Variants in EDA observed in about 807,000 individuals in gnomAD.
EDA encodes ectodysplasin A.
A neutral mutation model predicts 23.6 loss-of-function variants in EDA; 2 were observed. That is an observed-to-expected ratio of 0.08 (90% CI 0.03 to 0.27). The LOEUF is 0.27. EDA is among the 10% of genes least tolerant of loss of function. The probability of loss-of-function intolerance (pLI) is 1.00; values close to 1 mark genes in which losing one functional copy is unlikely to be tolerated. For synonymous variants in EDA, 131 were observed against 132.0 expected (o/e 0.99, Z 0.05); for missense variants, 229 against 324.2 (o/e 0.71, Z 2.26).
At chrX:69,833,053 C>T (rs2016661177) in intron 1 of EDA, among the ~76,000 whole-genome samples, 1 of 111,319 alleles carries the variant, frequency 9.0e-6, no homozygotes, top group African/African-American at 3.3e-5. Flanking sequence ...CCTGATTGCC[C>T]TGGCCAGAAC....
At chrX:69,954,859 C>G (rs761213366) in intron 1 of EDA, among the ~76,000 whole-genome samples, 20 of 111,857 alleles carry the variant, frequency 1.8e-4, no homozygotes, top group African/African-American at 6.2e-4. Flanking sequence ...TGTGTGTTGT[C>G]CCCACCATGT....
At chrX:69,894,697 G>C (rs1208703404) in intron 1 of EDA, among the ~76,000 whole-genome samples, 1 of 111,189 alleles carries the variant, frequency 9.0e-6, no homozygotes, top group Non-Finnish European at 1.9e-5. Flanking sequence ...TCTTGATTTT[G>C]TTCTCAGCTT....
At position 69,749,929 on chromosome X, in the gene EDA, T is replaced by C. The variant is rs1334675679; in HGVS notation, c.396+133225T>C. ...CTTCCTCTCACTAAGGTTCTTTTTT[T>C]TTTTTTTTTTTTTTTTTTTTGGTTG... On this transcript the variant is annotated intron_variant, in intron 1 of 7. Coordinates refer to ENST00000374552, the MANE Select transcript of EDA (RefSeq NM_001399.5). 7.2e-4 allele frequency among the ~76,000 whole-genome samples: 71 copies of C among 99,149 alleles called. No homozygotes were observed. In the Middle Eastern group the frequency reaches 0.022, roughly 30 times the overall value. 86.1% of individuals were successfully genotyped at this position (99,149 alleles called of 115,157 possible). A position where few individuals can be genotyped will look rare whatever the true frequency, so the allele number is the denominator to read the frequency against.
rs1241753909 is a variant in EDA at position 70,028,443 on chromosome X, T to C, written c.706+407T>C. Among the ~76,000 whole-genome samples, 20 of 112,410 alleles carry C rather than the reference T, an allele frequency of 1.8e-4. No individual in the cohort carries two copies. In the Admixed American group the frequency reaches 1.9e-3, roughly 11 times the overall value. On this transcript the variant is annotated intron_variant, in intron 4 of 7. Coordinates refer to ENST00000374552, the MANE Select transcript of EDA (RefSeq NM_001399.5). The stretch of plus-strand genomic sequence containing the variant: ...CTAGCTCCACATGCTGATGTTTGCA[T>C]AGAAATAGGCTATGGAGTAGAAAGT...
intron 1 of EDA, among the ~76,000 whole-genome samples, chrX:69,919,843 C>G (rs2018400788): frequency 1.9e-5 from 2 of 105,248 alleles, no homozygotes; most frequent in Admixed American, 1.1e-4. Context: ...TCTTTGTAGG[C>G]TTCATGATTT....
intron 1 of EDA, among the ~76,000 whole-genome samples, chrX:69,935,997 T>C (rs1293531364): frequency 1.9e-5 from 2 of 106,966 alleles, no homozygotes; most frequent in Non-Finnish European, 3.8e-5. Context: ...TATGTACTCA[T>C]ATATATATGA....
At chrX:69,675,823 A>C (rs1934062031) in intron 1 of EDA, among the ~76,000 whole-genome samples, 1 of 111,351 alleles carries the variant, frequency 9.0e-6, no homozygotes, top group Non-Finnish European at 1.9e-5. Flanking sequence ...TGGAGAGAGA[A>C]GGTCAAGACA....
chrX:69,883,850 AT>A (rs2017787490), intron 1 of EDA, among the ~76,000 whole-genome samples: 1 of 110,899 alleles, frequency 9.0e-6, no homozygotes, highest in Non-Finnish European at 1.9e-5. Flanking sequence ...TAATCCCAGC[AT>A]TTTGGGAGGC....
intron 1 of EDA, among the ~76,000 whole-genome samples, chrX:69,765,501 A>G (rs1022598577): frequency 8.9e-6 from 1 of 111,931 alleles, no homozygotes; most frequent in African/African-American, 3.2e-5. Context: ...CCTCTTACCC[A>G]TCATTCATAA....
chrX:69,827,894 C>A (rs751340644), intron 1 of EDA, among the ~76,000 whole-genome samples: 2 of 111,647 alleles, frequency 1.8e-5, no homozygotes, highest in South Asian at 7.5e-4. Flanking sequence ...GCTGTCCTTT[C>A]TGATTGTTAG....
At chrX:69,698,457 G>A (rs974490178) in intron 1 of EDA, among the ~76,000 whole-genome samples, 32 of 111,543 alleles carry the variant, frequency 2.9e-4, no homozygotes, top group African/African-American at 8.1e-4. Flanking sequence ...AGGAGGTGTC[G>A]ACAGGCAGAG....
chrX:69,948,751 G>A (rs1395604481), intron 1 of EDA, among the ~76,000 whole-genome samples: 1 of 112,375 alleles, frequency 8.9e-6, no homozygotes, highest in African/African-American at 3.2e-5. Flanking sequence ...ATAGATTCTA[G>A]TTCAGTGCCT....
chrX:69,979,825 G>A (rs1173935307), intron 2 of EDA, among the ~76,000 whole-genome samples: 1 of 111,568 alleles, frequency 9.0e-6, no homozygotes, highest in African/African-American at 3.3e-5. Flanking sequence ...GTCTCATTCT[G>A]TGGATGGCCT....
At chrX:69,767,893 A>T (rs920079112) in intron 1 of EDA, among the ~76,000 whole-genome samples, 1 of 111,861 alleles carries the variant, frequency 8.9e-6, no homozygotes, top group East Asian at 2.8e-4. Context: ...ATTCTAGTAG[A>T]TGTACAGTAT....
chrX:70,027,750 G>A, intron 3 of EDA, 107 bp from the exon 4 acceptor site: 1 of 489,230 alleles, frequency 2.0e-6, no homozygotes, highest in Non-Finnish European at 3.7e-6. Context: ...TTGAACCCGG[G>A]AGGTGGAGGT....
At chrX:69,736,100 A>G (rs1485725955) in intron 1 of EDA, among the ~76,000 whole-genome samples, 2 of 108,969 alleles carry the variant, frequency 1.8e-5, no homozygotes, top group Non-Finnish European at 3.8e-5. Context: ...TGAGGTCGGG[A>G]GTTCAAGACC....
chrX:69,642,792 A>G (rs1004579172), intron 1 of EDA, among the ~76,000 whole-genome samples: 12 of 111,594 alleles, frequency 1.1e-4, no homozygotes, highest in Non-Finnish European at 2.3e-4. Flanking sequence ...ACTGAAGTTC[A>G]GAGAGGTTAA....
chrX:70,034,351 C>T (rs923418154), intron 7 of EDA, among the ~76,000 whole-genome samples: 4 of 111,734 alleles, frequency 3.6e-5, no homozygotes, highest in East Asian at 2.8e-4. Context: ...CTGAGCACCC[C>T]GCTGTAGCTT....
intron 1 of EDA, among the ~76,000 whole-genome samples, chrX:69,883,301 G>C (rs1248646795): frequency 8.9e-6 from 1 of 111,763 alleles, no homozygotes; most frequent in Non-Finnish European, 1.9e-5. Context: ...GAGTTGACCT[G>C]ACAATGTTGT....
Sources: allele counts gnomAD v4.1 joint callset (sites outside exome capture counted in the v4.1 genomes callset), GRCh38; gene constraint gnomAD v4.1.1; transcripts MANE v1.5; gene names NCBI Gene and HGNC (gene_info 2026-07-23, HGNC 2026-07-21).